ADAMTS18: variants seen among roughly 807,000 people sequenced by gnomAD.
ADAMTS18 encodes A disintegrin and metalloproteinase with thrombospondin motifs 18.
A neutral mutation model predicts 165.9 loss-of-function variants in ADAMTS18; 157 were observed. The observed-to-expected ratio is 0.95, with a 90% CI of 0.83 to 1.08. The LOEUF (loss-of-function observed/expected upper bound fraction) is 1.08. Ranked by LOEUF, ADAMTS18 falls within the 50% of genes least tolerant of loss-of-function variation. ADAMTS18 has a pLI of 0.00. For synonymous variants in ADAMTS18, 782 were observed against 578.2 expected (o/e 1.35, Z -5.06); for missense variants, 2,040 against 1,534.0 (o/e 1.33, Z -5.51).
In ADAMTS18 at chr16:77,291,313, G is replaced by C. The variant is rs145597958; in HGVS notation, c.3355C>G (p.Pro1119Ala). Residue 1119 changes from proline to alanine, a missense_variant, in exon 21 of 23, where the codon CCA becomes GCA. By Grantham distance (27) the Pro-to-Ala change is conservative. Coordinates refer to ENST00000282849, the MANE Select transcript of ADAMTS18 (RefSeq NM_199355.4). Reference sequence around the variant, plus strand: ...CATCCAGCTACCATGTTGTACACTGGATGGGCTGGGCAAGCCCGTCGGTTG... The same window carrying C: ...CATCCAGCTACCATGTTGTACACTGCATGGGCTGGGCAAGCCCGTCGGTTG... ...TCNRRACPAH[P>A]VYNMVAGWYS... The C allele has an allele frequency of 3.2e-5, 51 of 1,614,190 alleles. No homozygotes were observed. In the African/African-American group the frequency reaches 6.5e-4, roughly 21 times the overall value.
chr16:77,291,286 A>G lies in ADAMTS18; in HGVS notation c.3382T>C (p.Tyr1128His), dbSNP rs1383153838. The change falls in exon 21 of 23, where the codon TAT becomes CAT. Residue 1128 changes from tyrosine to histidine, a missense_variant. Transcript: ENST00000282849. ...HPVYNMVAGWYSLPWQQCTVT... is the reference protein window; with the variant it reads ...HPVYNMVAGWHSLPWQQCTVT... ...CCCACCTGCTGCCACGGCAATGAATACCATCCAGCTACCATGTTGTACACT... is the reference window on the plus strand; with the variant it reads ...CCCACCTGCTGCCACGGCAATGAATGCCATCCAGCTACCATGTTGTACACT... 3 of 1,614,110 alleles carry G rather than the reference A, an allele frequency of 1.9e-6. No individual in the cohort carries two copies. Among genetic ancestry groups the G allele is most frequent in the South Asian group, 2.2e-5 (2 of 91,086 alleles).
intron 10 of ADAMTS18, among the ~76,000 whole-genome samples, 172 bp downstream of exon 10, chr16:77,353,561 T>A (rs1003274885): frequency 5.3e-5 from 8 of 152,206 alleles, no homozygotes; most frequent in African/African-American, 1.9e-4. Flanking sequence ...TAGGCCTGGA[T>A]AATTCATTGA....
rs139701298 is a variant in ADAMTS18 at position 77,293,224 on chromosome 16, C to G, written c.3041G>C (p.Arg1014Pro). 1.2e-6 allele frequency: 2 copies of G among 1,613,754 alleles called. No homozygotes were observed. Among genetic ancestry groups the G allele is most frequent in the Non-Finnish European group, 1.7e-6 (2 of 1,179,980 alleles). Reference sequence around the variant, plus strand: ...GGCAGAGCCCTTGCAGAGGAGTTCACGCTTCCTCACCCCTCGTCCACAGGT... The same window carrying G: ...GGCAGAGCCCTTGCAGAGGAGTTCAGGCTTCCTCACCCCTCGTCCACAGGT... ...SKTCGRGVRK[R>P]ELLCKGSAAE... Residue 1014 changes from arginine to proline, a missense_variant, in exon 20 of 23, where the codon CGT becomes CCT. Transcript: ENST00000282849.
chr16:77,384,185 C>G (rs147327963), intron 3 of ADAMTS18, among the ~76,000 whole-genome samples: 3 of 152,212 alleles, frequency 2.0e-5, no homozygotes, highest in African/African-American at 4.8e-5. Flanking sequence ...CTAAGGGAGA[C>G]ATAAAAACAA....
chr16:77,386,412 C>A (rs1452430813), intron 3 of ADAMTS18, among the ~76,000 whole-genome samples: 1 of 152,222 alleles, frequency 6.6e-6, no homozygotes, highest in Non-Finnish European at 1.5e-5. Context: ...GTTTGTTCCT[C>A]TCTGTGCTAA....
chr16:77,334,199 A>ATATATAATATATAGTATATATG (rs2056245657), intron 12 of ADAMTS18, among the ~76,000 whole-genome samples: 1 of 78,950 alleles, frequency 1.3e-5, no homozygotes, highest in African/African-American at 5.6e-5. Flanking sequence ...GTTATATATT[A>ATATATAATATATAGTATATATG]CATATAATAT....
chr16:77,369,155 C>T (rs116411977), intron 3 of ADAMTS18, among the ~76,000 whole-genome samples: 2,445 of 152,290 alleles, frequency 0.016, 40 homozygotes, highest in South Asian at 0.044. Context: ...TATTGATATC[C>T]TCACATGTTT....
chr16:77,346,160 T>G (rs1248054297), intron 10 of ADAMTS18, among the ~76,000 whole-genome samples: 7 of 152,198 alleles, frequency 4.6e-5, no homozygotes, highest in Admixed American at 3.3e-4. Flanking sequence ...ATTAAAAAAT[T>G]TAATCAGCCA....
At chr16:77,323,764 A>T (rs551914345) in intron 13 of ADAMTS18, among the ~76,000 whole-genome samples, 1 of 152,220 alleles carries the variant, frequency 6.6e-6, no homozygotes, top group Non-Finnish European at 1.5e-5. Context: ...TATCAAAAGG[A>T]GACAAGGAGA....
intron 3 of ADAMTS18, among the ~76,000 whole-genome samples, chr16:77,386,111 T>C (rs1402641474): frequency 6.6e-6 from 1 of 152,212 alleles, no homozygotes; most frequent in Non-Finnish European, 1.5e-5. Flanking sequence ...ACTTGGGATG[T>C]ATGTAACTTG....
At chr16:77,399,115 A>G (rs978931615) in intron 3 of ADAMTS18, among the ~76,000 whole-genome samples, 4 of 152,190 alleles carry the variant, frequency 2.6e-5, no homozygotes, top group Non-Finnish European at 5.9e-5. Flanking sequence ...TTCAGCTAGA[A>G]GCTAGACCCA....
chr16:77,405,051 A>T (rs1243585495), intron 3 of ADAMTS18, among the ~76,000 whole-genome samples: 1 of 152,214 alleles, frequency 6.6e-6, no homozygotes, highest in Non-Finnish European at 1.5e-5. Context: ...GAAAAAATTC[A>T]GAGTGATTTT....
chr16:77,384,434 G>A (rs1341165337), intron 3 of ADAMTS18, among the ~76,000 whole-genome samples: 1 of 152,108 alleles, frequency 6.6e-6, no homozygotes, highest in East Asian at 1.9e-4. Flanking sequence ...TTGATTTTGT[G>A]CCCTTAGAAC....
chr16:77,300,411 A>C lies in ADAMTS18; in HGVS notation c.2533-7T>G, dbSNP rs1240677966. ...TTTTGCCTTGCATCAGAATCTGGAC[A>C]GTGTAAGATAAAAATCAGAGATCAA... On this transcript the variant is annotated splice_region_variant and splice_polypyrimidine_tract_variant and intron_variant, in intron 16 of 22. Coordinates refer to ENST00000282849, the MANE Select transcript of ADAMTS18 (RefSeq NM_199355.4). 16 of 1,613,968 alleles carry C rather than the reference A, an allele frequency of 9.9e-6. No individual in the cohort carries two copies. Among genetic ancestry groups the C allele is most frequent in the Non-Finnish European group, 1.4e-5 (16 of 1,179,958 alleles).
At chr16:77,296,403 C>T (rs1041889183) in intron 18 of ADAMTS18, among the ~76,000 whole-genome samples, 27 of 152,030 alleles carry the variant, frequency 1.8e-4, no homozygotes, top group African/African-American at 3.4e-4. Flanking sequence ...TTTCATGGCC[C>T]GCATAATATT....
rs1252010151 is a variant in ADAMTS18 at position 77,434,991 on chromosome 16, C to A, written c.-296G>T. ...CAAACGGTTGGGAGACTGTCGGTGT[C>A]TGCCCGCCCGTCTGTGCGTCTGTCT... On this transcript the variant is annotated 5_prime_UTR_variant, in exon 1 of 23. Coordinates refer to ENST00000282849, the MANE Select transcript of ADAMTS18 (RefSeq NM_199355.4). 2 of 272,310 alleles carry A rather than the reference C, an allele frequency of 7.3e-6. No individual in the cohort carries two copies. Among genetic ancestry groups the A allele is most frequent in the African/African-American group, 4.5e-5 (2 of 44,816 alleles). The allele number at this position is 272,310 out of a possible 1,614,324, so 16.9% of individuals were successfully genotyped here.
chr16:77,396,897 C>A (rs866473303), intron 3 of ADAMTS18, among the ~76,000 whole-genome samples: 89 of 152,144 alleles, frequency 5.8e-4, no homozygotes, highest in African/African-American at 1.7e-3. Context: ...ACCTCTGCCC[C>A]CTGGATTCAA....
chr16:77,403,895 T>C (rs767417996), intron 3 of ADAMTS18, among the ~76,000 whole-genome samples: 7 of 152,066 alleles, frequency 4.6e-5, no homozygotes, highest in African/African-American at 1.4e-4. Flanking sequence ...GTGAATCTAG[T>C]TGGAGAAGAG....
intron 16 of ADAMTS18, among the ~76,000 whole-genome samples, chr16:77,315,498 T>C (rs1383936642): frequency 1.3e-5 from 2 of 152,180 alleles, no homozygotes; most frequent in African/African-American, 4.8e-5. Flanking sequence ...CTCACGCCTG[T>C]GGGTGTGCAG....
Sources: allele counts gnomAD v4.1 joint callset (sites outside exome capture counted in the v4.1 genomes callset), GRCh38; gene constraint gnomAD v4.1.1; transcripts MANE v1.5; gene names NCBI Gene and HGNC (gene_info 2026-07-23, HGNC 2026-07-21).